The following BRCC3 variants were observed in gnomAD, a reference collection of about 807,000 sequenced individuals.
The protein encoded by BRCC3 is lys-63-specific deubiquitinase BRCC36.
A neutral mutation model predicts 28.0 loss-of-function variants in BRCC3; 15 were observed. The ratio of observed to expected loss-of-function variants is 0.54; its 90% CI spans 0.36 to 0.82. BRCC3 has a LOEUF of 0.82. Ranked by LOEUF, BRCC3 falls within the 40% of genes least tolerant of loss-of-function variation. BRCC3 has a pLI of 0.01. For synonymous variants in BRCC3, 66 were observed against 80.3 expected (o/e 0.82, Z 0.95); for missense variants, 109 against 225.9 (o/e 0.48, Z 3.32).
At chrX:155,094,761 C>T (rs1434427647) in intron 7 of BRCC3, among the ~76,000 whole-genome samples, 6 of 111,867 alleles carry the variant, frequency 5.4e-5, no homozygotes, top group African/African-American at 3.3e-5. Context: ...GAAAATTGAA[C>T]CTGAACCTAA....
At chrX:155,103,407 T>G (rs2074258694) in intron 7 of BRCC3, among the ~76,000 whole-genome samples, 1 of 111,928 alleles carries the variant, frequency 8.9e-6, no homozygotes, top group South Asian at 3.7e-4. Context: ...GAAAAAAGTC[T>G]TTGCCTTCAT....
At chrX:155,081,031 A>G (rs998985676) in intron 5 of BRCC3, among the ~76,000 whole-genome samples, 2 of 111,873 alleles carry the variant, frequency 1.8e-5, no homozygotes, top group African/African-American at 6.5e-5. Flanking sequence ...AGATCCTGAG[A>G]TCTCAAAAAT....
At chrX:155,104,842 AC>A (rs1225134263) in intron 7 of BRCC3, among the ~76,000 whole-genome samples, 1 of 112,826 alleles carries the variant, frequency 8.9e-6, no homozygotes, top group Non-Finnish European at 1.9e-5. Context: ...GGTATAATTA[AC>A]ATGCAGAATT....
At chrX:155,074,775 C>A (rs1457862114) in intron 3 of BRCC3, among the ~76,000 whole-genome samples, 2 of 111,913 alleles carry the variant, frequency 1.8e-5, no homozygotes, top group African/African-American at 6.5e-5. Context: ...TTTAGTGTTG[C>A]ATAGTGTATT....
intron 5 of BRCC3, among the ~76,000 whole-genome samples, chrX:155,083,242 C>T (rs2074096573): frequency 8.9e-6 from 1 of 112,480 alleles, no homozygotes; most frequent in African/African-American, 3.2e-5. Context: ...AATTGGGAAG[C>T]TGTGCATGTT....
intron 3 of BRCC3, among the ~76,000 whole-genome samples, chrX:155,076,569 A>G (rs1448379394): frequency 9.1e-6 from 1 of 110,452 alleles, no homozygotes; most frequent in Non-Finnish European, 1.9e-5. Flanking sequence ...AGAGAGAGTG[A>G]GGGGGGAAGT....
chrX:155,120,625 A>G (rs1297172262), intron 10 of BRCC3, among the ~76,000 whole-genome samples: 1 of 111,180 alleles, frequency 9.0e-6, no homozygotes, highest in African/African-American at 3.3e-5. Flanking sequence ...GCCCTCACTG[A>G]GAGGGCAGTG....
chrX:155,093,546 A>G (rs111258567), intron 7 of BRCC3, among the ~76,000 whole-genome samples: 2,139 of 105,064 alleles, frequency 0.02, 22 homozygotes, highest in Middle Eastern at 0.041. Context: ...TAATTTATCC[A>G]ATAGAATCCT....
At chrX:155,085,815 T>C (rs1188458428) in intron 5 of BRCC3, among the ~76,000 whole-genome samples, 3 of 111,723 alleles carry the variant, frequency 2.7e-5, no homozygotes, top group Non-Finnish European at 5.6e-5. Context: ...TTTACAGAGT[T>C]TCTGTCTTGA....
chrX:155,080,959 A>G (rs1263103716), intron 5 of BRCC3, among the ~76,000 whole-genome samples: 2 of 112,155 alleles, frequency 1.8e-5, no homozygotes, highest in Non-Finnish European at 1.9e-5. Context: ...TGAAATATCT[A>G]TATTGAAGGG....
At chrX:155,100,404 T>C (rs1557296743) in intron 7 of BRCC3, among the ~76,000 whole-genome samples, 1 of 112,572 alleles carries the variant, frequency 8.9e-6, no homozygotes, top group Non-Finnish European at 1.9e-5. Context: ...CTGGATGCAG[T>C]CCAAGTTCAC....
chrX:155,073,405 A>C lies in BRCC3; in HGVS notation c.169A>C (p.Thr57Pro). ...RSDSKFAYTGTEMRTVAEKVD... is the reference protein window; with the variant it reads ...RSDSKFAYTGPEMRTVAEKVD... Reference sequence around the variant, plus strand: ...TGACTCCAAATTTGCATATACTGGAACTGAAATGCGCACAGTTGCTGAAAA... The same window carrying C: ...TGACTCCAAATTTGCATATACTGGACCTGAAATGCGCACAGTTGCTGAAAA... The change falls in exon 3 of 11, where the codon ACT becomes CCT. Residue 57 changes from threonine (T) to proline (P), a missense_variant. Transcript: ENST00000330045. 8.6e-7 allele frequency: 1 copy of C among 1,168,891 alleles called. No individual in the cohort carries two copies. Among genetic ancestry groups the C allele is most frequent in the Non-Finnish European group, 1.1e-6 (1 of 873,325 alleles).
rs183541118 is a variant in BRCC3, at chrX:155,107,210, A to C, written c.549-8847A>C. On this transcript the variant is annotated intron_variant, in intron 7 of 10. Transcript: ENST00000330045. ...AGCATTTGGAGTTTGGAATTTAATGAGTATATTTTTTGTCTTTCATTATTA... is the reference window on the plus strand; with the variant it reads ...AGCATTTGGAGTTTGGAATTTAATGCGTATATTTTTTGTCTTTCATTATTA... Among the ~76,000 whole-genome samples, 5 of 111,171 alleles carry C rather than the reference A, an allele frequency of 4.5e-5. No homozygotes were observed. The East Asian group carries it at 1.4e-3, about 31-fold the overall frequency.
chrX:155,075,315 CACACTAAA>C lies in BRCC3; in HGVS notation c.196-1854_196-1847del, dbSNP rs1569560430. Reference sequence around the variant, plus strand: ...TCCCCTGGCCCTTCTTGTTCTTCCCCACACTAAATGTGGCCACTCCCCTTGATTCAGGC... The same window carrying C: ...TCCCCTGGCCCTTCTTGTTCTTCCCCTGTGGCCACTCCCCTTGATTCAGGC... On this transcript the variant is annotated intron_variant, in intron 3 of 10. Transcript: ENST00000330045. Among the ~76,000 whole-genome samples, 34 of 53,018 alleles carry C rather than the reference CACACTAAA, an allele frequency of 6.4e-4. 1 individual carries two copies. The highest frequency in any genetic ancestry group is 5.1e-3 in the Admixed American group (26 of 5,102). 46.0% of individuals were successfully genotyped at this position (53,018 alleles called of 115,157 possible).
chrX:155,089,411 C>CTCTGTGTGTAG, intron 6 of BRCC3, 60 bp downstream of exon 6: 1 of 734,884 alleles, frequency 1.4e-6, no homozygotes, highest in African/African-American at 2.2e-5. Flanking sequence ...TGTGTGTCTA[C>CTCTGTGTGTAG]ACACAGAGTA....
chrX:155,120,517 C>G, intron 10 of BRCC3, among the ~76,000 whole-genome samples: 1 of 111,837 alleles, frequency 8.9e-6, no homozygotes, highest in Non-Finnish European at 1.9e-5. Flanking sequence ...CATTCACTCA[C>G]TAGAATATTT....
chrX:155,096,666 T>G (rs985873155), intron 7 of BRCC3, among the ~76,000 whole-genome samples: 27 of 112,287 alleles, frequency 2.4e-4, no homozygotes, highest in Middle Eastern at 4.2e-3. Flanking sequence ...AATCATAAAA[T>G]TCATATGAAA....
At position 155,071,547 on chromosome X, in the gene BRCC3, A is replaced by T; in HGVS notation, c.20A>T (p.Gln7Leu). 8.3e-7 allele frequency: 1 copy of T among 1,198,771 alleles called. No homozygotes were observed. Among genetic ancestry groups the T allele is most frequent in the Non-Finnish European group, 1.1e-6 (1 of 886,410 alleles). MAVQVVQAVQAVHLESD... is the reference protein window; with the variant it reads MAVQVVLAVQAVHLESD... ...GCCAAGATGGCGGTGCAGGTGGTGC[A>T]GGCGGTGCAGGCGGTTCATCTCGAG... Residue 7 changes from glutamine to leucine, a missense_variant, in exon 1 of 11, where the codon CAG becomes CTG. Physicochemically the swap from Gln to Leu is moderately radical, Grantham distance 113. Transcript: ENST00000330045.
At chrX:155,110,596 T>C (rs1557298029) in intron 7 of BRCC3, among the ~76,000 whole-genome samples, 1 of 110,056 alleles carries the variant, frequency 9.1e-6, no homozygotes, top group African/African-American at 3.3e-5. Flanking sequence ...TTGGTGGGGG[T>C]TTATTAATGA....
Sources: gnomAD v4.1 joint callset for allele counts (sites outside exome capture counted in the v4.1 genomes callset) on GRCh38, gnomAD v4.1.1 for gene constraint, MANE v1.5 for transcripts, NCBI Gene and HGNC (gene_info 2026-07-23, HGNC 2026-07-21) for gene names.